Variants in NOTCH3 observed in about 807,000 individuals in gnomAD.
The protein encoded by NOTCH3 is neurogenic locus notch homolog protein 3.
A neutral mutation model predicts 213.3 loss-of-function variants in NOTCH3; 86 were observed. The observed-to-expected ratio is 0.40, with a 90% CI of 0.34 to 0.48. NOTCH3 has a LOEUF of 0.48. NOTCH3 is among the 20% of genes least tolerant of loss of function. NOTCH3 has a pLI of 0.57. For synonymous variants in NOTCH3, 1,354 were observed against 1,355.9 expected (o/e 1.00, Z 0.03); for missense variants, 2,783 against 3,272.6 (o/e 0.85, Z 3.65).
intron 31 of NOTCH3, among the ~76,000 whole-genome samples, chr19:15,164,687 A>G (rs1033824897): frequency 3.9e-5 from 6 of 152,124 alleles, no homozygotes; most frequent in African/African-American, 1.4e-4. Flanking sequence ...GAATAATTCC[A>G]TCATCACAGA....
At chr19:15,182,729 G>A (rs1442304804) in intron 16 of NOTCH3, among the ~76,000 whole-genome samples, 3 of 151,674 alleles carry the variant, frequency 2.0e-5, no homozygotes, top group East Asian at 1.9e-4. Flanking sequence ...CACAACCTCC[G>A]CCTCCCGGGT....
intron 16 of NOTCH3, 30 bp downstream of exon 16, chr19:15,184,265 C>G (rs941417904): frequency 6.2e-7 from 1 of 1,609,442 alleles, no homozygotes; most frequent in African/African-American, 1.3e-5. Context: ...TTCCCCAGAG[C>G]AGCACCCCCA....
chr19:15,160,696 G>C lies in NOTCH3; in HGVS notation c.6932C>G (p.Pro2311Arg), dbSNP rs771682246. Reference sequence around the variant, plus strand: ...CACTTGCCTCTTGGGGGTAACTTCCGGCTGGGGCCCCAGCTGGGTCTGGGC... The same window carrying C: ...CACTTGCCTCTTGGGGGTAACTTCCCGCTGGGGCCCCAGCTGGGTCTGGGC... ...AQAQTQLGPQ[P>R]EVTPKRQVLA Residue 2311 changes from proline to arginine, a missense_variant, in exon 33 of 33, where the codon CCG (proline) becomes CGG (arginine). Pro to Arg is a moderately radical substitution (Grantham distance 103). This residue lies in a region of NOTCH3 where 441 missense variants were observed against 432.1 expected (regional missense o/e 1.02). Transcript: ENST00000263388. 2.5e-6 allele frequency: 4 copies of C among 1,614,138 alleles called. No individual in the cohort carries two copies. The South Asian group carries it at 4.4e-5, about 18-fold the overall frequency.
rs375213868 is a variant in NOTCH3, at chr19:15,161,531, G to C, written c.6097C>G (p.Pro2033Ala). The change falls in exon 33 of 33, where the codon CCC (proline) becomes GCC (alanine). Residue 2033 changes from proline to alanine, a missense_variant. By Grantham distance (27) the Pro-to-Ala change is conservative. Coordinates refer to ENST00000263388, the MANE Select transcript of NOTCH3 (RefSeq NM_000435.3). ...GGCCCCAGGCCGTGGGGACCGGGGGGGCTGCGGGGCCCACTGGGTTGATCC... is the reference window on the plus strand; with the variant it reads ...GGCCCCAGGCCGTGGGGACCGGGGGCGCTGCGGGGCCCACTGGGTTGATCC... The part of the protein sequence containing the change: ...LLDQPSGPRS[P>A]PGPHGLGPLL... 1.0e-4 allele frequency: 168 copies of C among 1,602,584 alleles called. No homozygotes were observed. The highest frequency in any genetic ancestry group is 3.7e-4 in the African/African-American group (28 of 74,886).
chr19:15,171,907 T>C (rs1599371078), intron 25 of NOTCH3, among the ~76,000 whole-genome samples: 1 of 152,058 alleles, frequency 6.6e-6, no homozygotes, highest in Non-Finnish European at 1.5e-5. Context: ...GTTTGTTTGC[T>C]TGTTTTGAGA....
rs779780504 is a variant in NOTCH3, at chr19:15,179,136, C to T, written c.3607G>A (p.Glu1203Lys). ...GAGCGACACTCATTGATGTCTGCCT[C>T]GCAGCGCAAACCAGTGTATCCTGGG... is the stretch of plus-strand genomic sequence containing the variant. ...CPPGYTGLRC[E>K]ADINECRSGA... is the part of the protein sequence containing the mutation. The change falls in exon 22 of 33, where the codon GAG (glutamate) becomes AAG (lysine). Residue 1203 changes from glutamate to lysine, a missense_variant. Glu to Lys is a moderately conservative substitution (Grantham distance 56). Transcript: ENST00000263388. 9 of 1,614,078 alleles carry T rather than the reference C, an allele frequency of 5.6e-6. No individual in the cohort carries two copies. In the Admixed American group the frequency reaches 8.3e-5, roughly 15 times the overall value.
At chr19:15,197,441 G>GCGCCCCCCCCCCCCCCCC in intron 2 of NOTCH3, 59 bp downstream of exon 2, 5 of 768,364 alleles carry the variant, frequency 6.5e-6, no homozygotes, top group Admixed American at 2.0e-5. Context: ...AAGACAAATC[G>GCGCCCCCCCCCCCCCCCC]CCCCTCCCCC....
Position 15,181,004 on chromosome 19 carries a change from A to G in NOTCH3, c.2951T>C (p.Phe984Ser), listed in dbSNP as rs995523352. Residue 984 changes from phenylalanine to serine, a missense_variant, in exon 18 of 33, where the codon TTC becomes TCC. This residue lies in a region of NOTCH3 where 861 missense variants were observed against 909.1 expected (regional missense o/e 0.95). Coordinates refer to ENST00000263388, the MANE Select transcript of NOTCH3 (RefSeq NM_000435.3). ...GGVCSAAHPG[F>S]RCTCLESFTG... Reference sequence around the variant, plus strand: ...GAAGCTCTCGAGGCAGGTGCAGCGGAAGCCAGGGTGGGCGGCGCTGCAGAC... The same window carrying G: ...GAAGCTCTCGAGGCAGGTGCAGCGGGAGCCAGGGTGGGCGGCGCTGCAGAC... 6.3e-7 allele frequency: 1 copy of G among 1,598,536 alleles called. No homozygotes were observed. Among genetic ancestry groups the G allele is most frequent in the African/African-American group, 1.3e-5 (1 of 74,650 alleles).
chr19:15,175,579 A>G (rs1483967331), intron 24 of NOTCH3, among the ~76,000 whole-genome samples: 1 of 35,624 alleles, frequency 2.8e-5, no homozygotes, highest in African/African-American at 1.6e-4. Flanking sequence ...ATATATGTAT[A>G]TATATGTATA....
intron 29 of NOTCH3, among the ~76,000 whole-genome samples, chr19:15,166,337 G>A (rs1401009409): frequency 2.0e-5 from 3 of 152,134 alleles, no homozygotes; most frequent in Non-Finnish European, 4.4e-5. Context: ...GCAACCTCCA[G>A]TAAATTCCCA....
At chr19:15,191,929 CCT>C (rs1491287854) in intron 4 of NOTCH3, 29 bp downstream of exon 4, 10 of 1,613,698 alleles carry the variant, frequency 6.2e-6, no homozygotes, top group Non-Finnish European at 8.5e-6. Context: ...CACGCCCACC[CCT>C]CTGACTCTCC....
Position 15,185,651 on chromosome 19 carries a change from C to T in NOTCH3, c.1980G>A (p.Glu660=). The part of the protein sequence containing the change: ...TGPLCNVEIN[E]CASSPCGEGG... ...CCTCGCCGCATGGGCTGGAAGCACA[C>T]TCATTGATCTCCACGTTACAAAGGG... The change falls in exon 13 of 33, where the codon GAG becomes GAA. Residue 660 remains glutamate, a synonymous_variant. Transcript: ENST00000263388. The surrounding 1 kb of genome is among the most constrained non-coding windows in gnomAD (Gnocchi z 4.2). 2.5e-6 allele frequency: 4 copies of T among 1,613,574 alleles called. No individual in the cohort carries two copies. The highest frequency in any genetic ancestry group is 3.4e-6 in the Non-Finnish European group (4 of 1,180,018).
At chr19:15,173,066 T>TCTTCCTCTTCCTCTTCC (rs1568351252) in intron 25 of NOTCH3, among the ~76,000 whole-genome samples, 1 of 5,160 alleles carries the variant, frequency 1.9e-4, no homozygotes, top group Non-Finnish European at 3.2e-4. Context: ...CTTCTTCTTC[T>TCTTCCTCTTCCTCTTCC]TCTTCTTCTT....
chr19:15,192,360 G>A lies in NOTCH3; in HGVS notation c.340+17C>T. ...CACACCCCCGACTACCTCCCCTCCA[G>A]ACTCTTCCCCTCTCACCTCGGAAGC... On this transcript the variant is annotated intron_variant, in intron 3 of 32. Coordinates refer to ENST00000263388, the MANE Select transcript of NOTCH3 (RefSeq NM_000435.3). 1 of 1,612,876 alleles carries A rather than the reference G, an allele frequency of 6.2e-7. No homozygotes were observed. The highest frequency in any genetic ancestry group is 8.5e-7 in the Non-Finnish European group (1 of 1,179,896).
chr19:15,196,092 C>T (rs976767151), intron 2 of NOTCH3, among the ~76,000 whole-genome samples: 9 of 151,034 alleles, frequency 6.0e-5, no homozygotes, highest in Middle Eastern at 3.4e-3. Context: ...GTGAAAGAGA[C>T]TCGTGGGGGG....
At position 15,174,581 on chromosome 19, in the gene NOTCH3, T is replaced by C. The variant is rs865787170; in HGVS notation, c.4404-181A>G. On this transcript the variant is annotated intron_variant, in intron 24 of 32. Transcript: ENST00000263388. ...GCCATTCACTGGATAATTTTTTTTT[T>C]TTTTTTTTGAGACGGAGTCTTGCTC... Among the ~76,000 whole-genome samples, 73 of 152,022 alleles carry C rather than the reference T, an allele frequency of 4.8e-4. 1 individual carries two copies. In the South Asian group the frequency reaches 5.2e-3, roughly 11 times the overall value.
In NOTCH3 at chr19:15,192,509, C is replaced by T. The variant is rs1379608507; in HGVS notation, c.208G>A (p.Gly70Ser). 1 of 1,588,726 alleles carries T rather than the reference C, an allele frequency of 6.3e-7. No individual in the cohort carries two copies. The highest frequency in any genetic ancestry group is 8.6e-7 in the Non-Finnish European group (1 of 1,168,186). ...SREAACLCPPGWVGERCQLED... is the reference protein window; with the variant it reads ...SREAACLCPPSWVGERCQLED... ...AGCTGACACCGCTCACCCACCCAGC[C>T]AGGCGGGCACCTGTGGGCAGAGATG... The change falls in exon 3 of 33, where the codon GGC (glycine) becomes AGC (serine). Residue 70 changes from glycine to serine, a missense_variant. Physicochemically the swap from Gly to Ser is moderately conservative, Grantham distance 56 (BLOSUM62 0). Coordinates refer to ENST00000263388, the MANE Select transcript of NOTCH3 (RefSeq NM_000435.3).
At chr19:15,177,009 T>C in intron 24 of NOTCH3, among the ~76,000 whole-genome samples, 1 of 141,828 alleles carries the variant, frequency 7.1e-6, no homozygotes, top group East Asian at 2.1e-4. Flanking sequence ...GAGGCGGAGG[T>C]TGCAGTGAGC....
chr19:15,169,474 A>T (rs1370030886), intron 28 of NOTCH3, among the ~76,000 whole-genome samples: 1 of 149,050 alleles, frequency 6.7e-6, no homozygotes, highest in East Asian at 2.0e-4. Context: ...GGTTCAAGGG[A>T]TTCTCCTGCC....
Sources: allele counts gnomAD v4.1 joint callset (sites outside exome capture counted in the v4.1 genomes callset), GRCh38; gene constraint gnomAD v4.1.1; regional missense constraint gnomAD v4.1.1; non-coding constraint Gnocchi (gnomAD v3.1); transcripts MANE v1.5; gene names NCBI Gene and HGNC (gene_info 2026-07-23, HGNC 2026-07-21).